NCAPG2: variants seen among roughly 807,000 people sequenced by gnomAD.
NCAPG2 encodes non-SMC condensin II complex subunit G2, also known as condensin-2 complex subunit G2.
A neutral mutation model predicts 141.1 loss-of-function variants in NCAPG2; 53 were observed. That is an observed-to-expected ratio of 0.38 (90% CI 0.30 to 0.47). The LOEUF is 0.47. Ranked by LOEUF, NCAPG2 falls within the 20% of genes least tolerant of loss-of-function variation. The probability of loss-of-function intolerance (pLI) is 0.99; values close to 1 mark genes in which losing one functional copy is unlikely to be tolerated. For missense variants in NCAPG2, 1,087 were observed against 1,389.0 expected (o/e 0.78, Z 3.46); for synonymous variants, 499 against 490.7 (o/e 1.02, Z -0.22).
At chr7:158,695,432 G>A (rs1425731162) in intron 2 of NCAPG2, among the ~76,000 whole-genome samples, 1 of 152,226 alleles carries the variant, frequency 6.6e-6, no homozygotes, top group Non-Finnish European at 1.5e-5. Flanking sequence ...GACAAACTAG[G>A]ATGGGCTGCT....
intron 8 of NCAPG2, among the ~76,000 whole-genome samples, chr7:158,684,854 A>G (rs970425109): frequency 1.1e-4 from 17 of 152,298 alleles, no homozygotes; most frequent in Middle Eastern, 3.4e-3. Context: ...CGCCCAGCCT[A>G]TTTTTTATTT....
At chr7:158,632,122 T>A (rs936235280) in intron 27 of NCAPG2, among the ~76,000 whole-genome samples, 6 of 152,170 alleles carry the variant, frequency 3.9e-5, no homozygotes, top group African/African-American at 1.4e-4. Flanking sequence ...TCTACTACCA[T>A]GACATTTACC....
chr7:158,677,264 C>A (rs1834117264), intron 11 of NCAPG2, among the ~76,000 whole-genome samples: 1 of 152,100 alleles, frequency 6.6e-6, no homozygotes, highest in African/African-American at 2.4e-5. Flanking sequence ...CAATGCCACC[C>A]AGAAGGAAAG....
chr7:158,681,550 A>G (rs1266044881), intron 9 of NCAPG2, among the ~76,000 whole-genome samples: 1 of 152,186 alleles, frequency 6.6e-6, no homozygotes, highest in Non-Finnish European at 1.5e-5. Context: ...AACAGCCTAC[A>G]CTTTAAGTGA....
chr7:158,655,022 T>C (rs1587122010), intron 21 of NCAPG2, 96 bp downstream of exon 21: 1 of 1,410,472 alleles, frequency 7.1e-7, no homozygotes, highest in East Asian at 2.3e-5. Flanking sequence ...AGAATAACAC[T>C]AATGTCTAAA....
chr7:158,637,370 C>T (rs1454168182), intron 27 of NCAPG2, among the ~76,000 whole-genome samples: 3 of 152,174 alleles, frequency 2.0e-5, no homozygotes, highest in Non-Finnish European at 2.9e-5. Context: ...GCTTTAGTGC[C>T]CAGTTCAACG....
chr7:158,684,684 C>T (rs923649837), intron 8 of NCAPG2, among the ~76,000 whole-genome samples: 11 of 152,168 alleles, frequency 7.2e-5, no homozygotes, highest in Admixed American at 6.5e-5. Flanking sequence ...ATTGTTGATA[C>T]CAATTTTGTA....
rs1203126078 is a variant in NCAPG2 at position 158,664,508 on chromosome 7, G to A, written c.1702+20C>T. On this transcript the variant is annotated intron_variant, in intron 14 of 27. Transcript: ENST00000356309. ...TGGGGGAAAACATAACAAGAACTGA[G>A]AAATAACAGCACTCCCTACCTATGT... The A allele has an allele frequency of 6.2e-7, 1 of 1,608,014 alleles. No individual in the cohort carries two copies. The highest frequency in any genetic ancestry group is 1.3e-5 in the African/African-American group (1 of 74,766).
chr7:158,640,854 C>G (rs535993652), intron 27 of NCAPG2: 1 of 151,918 alleles, frequency 6.6e-6, no homozygotes, highest in South Asian at 2.1e-4. Context: ...GTAGTTTGTT[C>G]AAAATAATAA....
intron 13 of NCAPG2, among the ~76,000 whole-genome samples, chr7:158,670,692 C>G (rs558274694): frequency 6.6e-6 from 1 of 152,342 alleles, no homozygotes; most frequent in East Asian, 1.9e-4. Flanking sequence ...CACATCTACA[C>G]TATGCTTTTA....
chr7:158,673,621 T>G (rs948106228), intron 12 of NCAPG2, among the ~76,000 whole-genome samples: 1 of 152,186 alleles, frequency 6.6e-6, no homozygotes, highest in Non-Finnish European at 1.5e-5. Flanking sequence ...ATGCTGTGGA[T>G]AGTCTGAATC....
chr7:158,654,927 G>A (rs1350947860), intron 21 of NCAPG2, 191 bp downstream of exon 21: 20 of 1,095,918 alleles, frequency 1.8e-5, no homozygotes, highest in Non-Finnish European at 2.5e-5. Flanking sequence ...TATATGTAAT[G>A]TATAAAATTA....
chr7:158,668,243 T>G (rs115206181), intron 13 of NCAPG2: 326 of 32,282 alleles, frequency 0.01, 10 homozygotes, highest in African/African-American at 0.042. Flanking sequence ...CCCTCTGCCC[T>G]CCTTACCCAC....
intron 27 of NCAPG2, among the ~76,000 whole-genome samples, chr7:158,634,287 TA>T (rs1408019924): frequency 1.3e-5 from 2 of 152,258 alleles, no homozygotes; most frequent in East Asian, 1.9e-4. Context: ...TTATAATACC[TA>T]ATACAAGGTA....
chr7:158,642,299 A>C (rs535055812), intron 27 of NCAPG2, among the ~76,000 whole-genome samples: 1 of 152,338 alleles, frequency 6.6e-6, no homozygotes, highest in South Asian at 2.1e-4. Context: ...GAACGTTAGG[A>C]GGCCGCAGGA....
intron 2 of NCAPG2, chr7:158,696,062 G>A (rs1378533996): frequency 4.6e-5 from 7 of 152,284 alleles, no homozygotes; most frequent in African/African-American, 1.4e-4. Flanking sequence ...GTCTTGTTGC[G>A]TAGCAAAAAA....
intron 13 of NCAPG2, among the ~76,000 whole-genome samples, chr7:158,670,176 T>A (rs1274913358): frequency 6.6e-6 from 1 of 152,198 alleles, no homozygotes; most frequent in Admixed American, 6.5e-5. Context: ...ACTACATTGG[T>A]CACTCAAAAT....
intron 22 of NCAPG2, 84 bp from the exon 23 acceptor site, chr7:158,652,564 T>TC: frequency 9.2e-7 from 1 of 1,083,910 alleles, no homozygotes. Context: ...AACACATGTA[T>TC]AAAATGGTAA....
chr7:158,677,525 C>CAAAAAAAAAAAAAAAAAAAAAAAAACA, intron 11 of NCAPG2, among the ~76,000 whole-genome samples: 1 of 90,404 alleles, frequency 1.1e-5, no homozygotes, highest in Non-Finnish European at 2.1e-5. Flanking sequence ...AAAAATAAAG[C>CAAAAAAAAAAAAAAAAAAAAAAAAACA]AAAAAAAAAA....
Sources: allele counts gnomAD v4.1 joint callset (sites outside exome capture counted in the v4.1 genomes callset), GRCh38; gene constraint gnomAD v4.1.1; transcripts MANE v1.5; gene names NCBI Gene and HGNC (gene_info 2026-07-23, HGNC 2026-07-21).